NUP210: variants seen among roughly 807,000 people sequenced by gnomAD.
NUP210 encodes the protein nucleoporin 210.
A neutral mutation model predicts 196.0 loss-of-function variants in NUP210; 151 were observed. The ratio of observed to expected loss-of-function variants is 0.77; its 90% CI spans 0.67 to 0.88. The LOEUF (loss-of-function observed/expected upper bound fraction) is 0.88, where lower values mean the gene tolerates loss of function less well. Ranked by LOEUF, NUP210 falls within the 40% of genes least tolerant of loss-of-function variation. The pLI is 0.00. For synonymous variants in NUP210, 1,070 were observed against 1,052.7 expected (o/e 1.02, Z -0.32); for missense variants, 2,314 against 2,493.7 (o/e 0.93, Z 1.53).
intron 13 of NUP210, among the ~76,000 whole-genome samples, chr3:13,371,065 G>A (rs1023067053): frequency 2.0e-5 from 3 of 152,204 alleles, no homozygotes; most frequent in African/African-American, 7.2e-5. Context: ...CCAAAGCTCT[G>A]CCCAAATCTT....
chr3:13,407,026 C>T (rs1700027257), intron 1 of NUP210, among the ~76,000 whole-genome samples: 1 of 152,216 alleles, frequency 6.6e-6, no homozygotes, highest in Non-Finnish European at 1.5e-5. Flanking sequence ...TGCTGCCACT[C>T]ACCAGCTGCG....
Position 13,335,445 on chromosome 3 carries a change from G to GC in NUP210, c.3843+8dup. On this transcript the variant is annotated intron_variant, in intron 28 of 39. Transcript: ENST00000254508. Reference sequence around the variant, plus strand: ...CCCCTTCCCTGTGGCCTTTCCACCTGCCTCCTACCTGGACTTGGATCTCAT... The same window carrying GC: ...CCCCTTCCCTGTGGCCTTTCCACCTGCCCTCCTACCTGGACTTGGATCTCAT... 1 of 1,609,900 alleles carries GC rather than the reference G, an allele frequency of 6.2e-7. No homozygotes were observed. The highest frequency in any genetic ancestry group is 8.5e-7 in the Non-Finnish European group (1 of 1,176,682).
intron 35 of NUP210, 58 bp downstream of exon 35, chr3:13,322,135 T>A (rs1184396817): frequency 6.3e-7 from 1 of 1,596,216 alleles, no homozygotes; most frequent in Non-Finnish European, 8.6e-7. Flanking sequence ...AGCCGCAAGA[T>A]GCCCAGAAGA....
chr3:13,371,035 A>T, intron 13 of NUP210, among the ~76,000 whole-genome samples: 1 of 152,256 alleles, frequency 6.6e-6, no homozygotes, highest in South Asian at 2.1e-4. Context: ...CTGCTCACCA[A>T]ATGGTGTCCC....
intron 20 of NUP210, among the ~76,000 whole-genome samples, chr3:13,344,013 C>A (rs550395253): frequency 6.6e-5 from 10 of 152,268 alleles, no homozygotes; most frequent in Admixed American, 4.6e-4. Flanking sequence ...TTTTTCCAGC[C>A]TTTTCACTGC....
At position 13,321,748 on chromosome 3, in the gene NUP210, C is replaced by G. The variant is rs748301324; in HGVS notation, c.5003G>C (p.Ser1668Thr). The G allele has an allele frequency of 2.5e-6, 4 of 1,613,788 alleles. No individual in the cohort carries two copies. The highest frequency in any genetic ancestry group is 1.1e-5 in the South Asian group (1 of 91,082). Reference sequence around the variant, plus strand: ...GAAGTGGCTGCTGGAGAGGGAGGCACTGACCACCAGAGCTGTCTTCTTCAT... The same window carrying G: ...GAAGTGGCTGCTGGAGAGGGAGGCAGTGACCACCAGAGCTGTCTTCTTCAT... ...LSMKKTALVVSASLSSSHFST... is the reference protein window; with the variant it reads ...LSMKKTALVVTASLSSSHFST... Residue 1668 changes from serine (S) to threonine (T), a missense_variant, in exon 36 of 40, where the codon AGT becomes ACT. Coordinates refer to ENST00000254508, the MANE Select transcript of NUP210 (RefSeq NM_024923.4).
At chr3:13,367,928 A>G (rs1192034392) in intron 13 of NUP210, among the ~76,000 whole-genome samples, 1 of 152,034 alleles carries the variant, frequency 6.6e-6, no homozygotes, top group African/African-American at 2.4e-5. Context: ...GTGCGTCCCT[A>G]AGAGAGGAAG....
In NUP210 at chr3:13,330,531, C is replaced by T. The variant is rs200296480; in HGVS notation, c.4039G>A (p.Gly1347Arg). ...KGFLASGSMI[G>R]TSTIEVIAQE... ...GCAATCACTTCGATGGTGGATGTCC[C>T]GATCATAGACCCTGATGCTAGAAAG... is the stretch of plus-strand genomic sequence containing the variant. The change falls in exon 30 of 40, where the codon GGG (glycine) becomes AGG (arginine). Residue 1347 changes from glycine (G) to arginine (R), a missense_variant. Coordinates refer to ENST00000254508, the MANE Select transcript of NUP210 (RefSeq NM_024923.4). 32 of 1,614,236 alleles carry T rather than the reference C, an allele frequency of 2.0e-5. No homozygotes were observed. The highest frequency in any genetic ancestry group is 2.3e-5 in the Non-Finnish European group (27 of 1,180,036).
intron 5 of NUP210, among the ~76,000 whole-genome samples, chr3:13,387,591 C>T (rs1699317485): frequency 6.6e-6 from 1 of 152,222 alleles, no homozygotes; most frequent in South Asian, 2.1e-4. Flanking sequence ...TGCCACTTTA[C>T]AAAATTAAAT....
Position 13,332,284 on chromosome 3 carries a change from G to T in NUP210, c.3935+9C>A. 1 of 1,609,200 alleles carries T rather than the reference G, an allele frequency of 6.2e-7. No individual in the cohort carries two copies. Among genetic ancestry groups the T allele is most frequent in the Non-Finnish European group, 8.5e-7 (1 of 1,175,534 alleles). ...CAACTTTGCTGGAAACAAGAGCTGA[G>T]TCACGTACCTGTTTGTCTGCAGCTT... On this transcript the variant is annotated intron_variant, in intron 29 of 39. Coordinates refer to ENST00000254508, the MANE Select transcript of NUP210 (RefSeq NM_024923.4).
At chr3:13,337,336 C>T (rs1697256142) in intron 26 of NUP210, among the ~76,000 whole-genome samples, 2 of 152,186 alleles carry the variant, frequency 1.3e-5, no homozygotes, top group African/African-American at 2.4e-5. Context: ...TTTGCTGTGT[C>T]GGCTTGAGGG....
At chr3:13,359,137 G>A (rs912566691) in intron 15 of NUP210, among the ~76,000 whole-genome samples, 19 of 152,150 alleles carry the variant, frequency 1.2e-4, no homozygotes, top group Non-Finnish European at 2.5e-4. Context: ...ACCAAGGGCA[G>A]TGTCCTCCGT....
At chr3:13,415,932 G>A (rs925554749) in intron 1 of NUP210, among the ~76,000 whole-genome samples, 2 of 152,172 alleles carry the variant, frequency 1.3e-5, no homozygotes, top group Non-Finnish European at 2.9e-5. Flanking sequence ...GGCAGGGAGA[G>A]GGACCCAGGA....
rs769281460 is a variant in NUP210, at chr3:13,322,280, T to G, written c.4828A>C (p.Ser1610Arg). ...IQALHPETLI[S>R]CQSQFKPAVF... ...GCCGGCTTGAACTGGGACTGGCAGC[T>G]GATGAGGGTCTCTGGGTGCAAGGCC... The change falls in exon 35 of 40, where the codon AGC becomes CGC. Residue 1610 changes from serine to arginine, a missense_variant. By Grantham distance (110) the Ser-to-Arg change is moderately radical (BLOSUM62 -1). Transcript: ENST00000254508. 4 of 1,614,190 alleles carry G rather than the reference T, an allele frequency of 2.5e-6. No homozygotes were observed. Among genetic ancestry groups the G allele is most frequent in the South Asian group, 1.1e-5 (1 of 91,070 alleles).
rs535722451 is a variant in NUP210, at chr3:13,333,490, A to G, written c.3844-1106T>C. On this transcript the variant is annotated intron_variant, in intron 28 of 39. Transcript: ENST00000254508. ...TCTGAGAGGAAGATGGCCTGATTCC[A>G]CCCCTCCCAGCTCCTCTGTGCTCTG... Among the ~76,000 whole-genome samples the G allele has an allele frequency of 1.9e-4, 29 of 151,452 alleles. No individual in the cohort carries two copies. In the South Asian group the frequency reaches 6.1e-3, roughly 32 times the overall value.
chr3:13,386,945 T>C (rs1316190961), intron 5 of NUP210, among the ~76,000 whole-genome samples: 1 of 152,238 alleles, frequency 6.6e-6, no homozygotes, highest in Non-Finnish European at 1.5e-5. Flanking sequence ...GAAAGATCAC[T>C]AGGTGCCCTG....
In NUP210 at chr3:13,335,689, G is replaced by A; in HGVS notation, c.3685-77C>T. 2.0e-6 allele frequency: 3 copies of A among 1,509,346 alleles called. No individual in the cohort carries two copies. In the Middle Eastern group the frequency reaches 5.3e-4, roughly 266 times the overall value. 93.5% of individuals were successfully genotyped at this position (1,509,346 alleles called of 1,614,324 possible). ...CTCAAAAAGGCAGAGCCGGACAGTA[G>A]CCCCAGACCCCCCAGCCCCCCAGTC... On this transcript the variant is annotated intron_variant, in intron 27 of 39. Coordinates refer to ENST00000254508, the MANE Select transcript of NUP210 (RefSeq NM_024923.4).
rs1398683960 is a variant in NUP210, at chr3:13,379,647, G to A, written c.892C>T (p.Arg298Trp). The part of the protein sequence containing the change: ...SIPGPEGDPA[R>W]PVAVLAQDTS... ...TCCTGGGCCAAGACAGCCACCGGCC[G>A]GGCTGGGTCTCCTTCGGGGCCCGGG... The change falls in exon 7 of 40, where the codon CGG becomes TGG. Residue 298 changes from arginine to tryptophan, a missense_variant. Arg to Trp is a moderately radical substitution (Grantham distance 101, BLOSUM62 -3). Transcript: ENST00000254508. The surrounding 1 kb of genome is among the most constrained non-coding windows in gnomAD (Gnocchi z 4.2). 1.1e-5 allele frequency: 17 copies of A among 1,613,930 alleles called. No individual in the cohort carries two copies. The highest frequency in any genetic ancestry group is 1.4e-5 in the Non-Finnish European group (17 of 1,180,026).
chr3:13,327,343 C>T lies in NUP210; in HGVS notation c.4381G>A (p.Ala1461Thr), dbSNP rs61751581. Residue 1461 changes from alanine (A) to threonine (T), a missense_variant, in exon 32 of 40, where the codon GCA becomes ACA. Ala to Thr is a moderately conservative substitution (Grantham distance 58, BLOSUM62 0). Transcript: ENST00000254508. ...AAGTCCGAGAGGCCCGGGTGCTCTG[C>T]GTCCCACACACGGAGCAGTGTCAGG... ...VGLTLLRVWDAEHPGLSDFMP... is the reference protein window; with the variant it reads ...VGLTLLRVWDTEHPGLSDFMP... 6.7e-4 allele frequency: 1,087 copies of T among 1,613,304 alleles called. No homozygotes were observed. The highest frequency in any genetic ancestry group is 8.8e-4 in the Non-Finnish European group (1,043 of 1,179,936).
Sources: allele counts gnomAD v4.1 joint callset (sites outside exome capture counted in the v4.1 genomes callset), GRCh38; gene constraint gnomAD v4.1.1; non-coding constraint Gnocchi (gnomAD v3.1); transcripts MANE v1.5; gene names NCBI Gene and HGNC (gene_info 2026-07-23, HGNC 2026-07-21).